Variants in COL6A6 observed in about 807,000 individuals in gnomAD.
COL6A6 encodes collagen type VI alpha 6 chain.
A neutral mutation model predicts 208.6 loss-of-function variants in COL6A6; 183 were observed. The ratio of observed to expected loss-of-function variants is 0.88; its 90% confidence interval spans 0.78 to 0.99. The LOEUF is 0.99. COL6A6 is among the 50% of genes least tolerant of loss of function. The pLI is 0.00. For synonymous variants in COL6A6, 973 were observed against 1,011.8 expected, an observed-to-expected ratio of 0.96 and a Z score of 0.73; for missense variants, 2,816 against 2,815.2, an observed-to-expected ratio of 1.00 and a Z score of -0.01.
At chr3:130,634,239 A>T (rs2065037019) in intron 26 of COL6A6, among the ~76,000 whole-genome samples, 2 of 57,470 alleles carry the variant, frequency 3.5e-5, no homozygotes, top group Non-Finnish European at 5.0e-5. Flanking sequence ...ATAAATAAAT[A>T]AATAAAAAAA....
chr3:130,648,411 C>T lies in COL6A6; in HGVS notation c.5240-658C>T, dbSNP rs1428634229. Among the ~76,000 whole-genome samples the T allele has an allele frequency of 3.9e-5, 6 of 152,300 alleles. No individual in the cohort carries two copies. The East Asian group carries it at 9.6e-4, about 24-fold the overall frequency. ...TCTAAGTACTTTACCTGTGCTGATT[C>T]ATTTAATGCTCACCTCAGGCCTATG... On this transcript the variant is annotated intron_variant, in intron 32 of 36. Transcript: ENST00000358511.
chr3:130,643,883 CTCTG>C (rs527661327), intron 31 of COL6A6, among the ~76,000 whole-genome samples: 14 of 152,272 alleles, frequency 9.2e-5, no homozygotes, highest in African/African-American at 3.1e-4. Flanking sequence ...TCTATTGGAA[CTCTG>C]TCTTTTTGTA....
intron 35 of COL6A6, among the ~76,000 whole-genome samples, chr3:130,664,688 T>G: frequency 6.6e-6 from 1 of 152,226 alleles, no homozygotes; most frequent in Non-Finnish European, 1.5e-5. Flanking sequence ...TCTTGTTAGT[T>G]TATATCAATT....
chr3:130,657,104 G>A (rs2065811484), intron 33 of COL6A6, among the ~76,000 whole-genome samples: 1 of 152,282 alleles, frequency 6.6e-6, no homozygotes, highest in Non-Finnish European at 1.5e-5. Flanking sequence ...GGATGCCTGG[G>A]TCTGGAGCCA....
intron 7 of COL6A6, among the ~76,000 whole-genome samples, chr3:130,572,462 G>A (rs2063190638): frequency 1.3e-5 from 2 of 152,026 alleles, no homozygotes; most frequent in South Asian, 4.1e-4. Context: ...TCTAGATATA[G>A]TAGTTCTTTT....
chr3:130,637,345 A>G (rs946491738), intron 28 of COL6A6, among the ~76,000 whole-genome samples: 1 of 151,748 alleles, frequency 6.6e-6, no homozygotes, highest in African/African-American at 2.4e-5. Context: ...GAACATCAGA[A>G]GCACGCTAAC....
chr3:130,596,423 A>C (rs1249197059), intron 18 of COL6A6, among the ~76,000 whole-genome samples: 1 of 152,232 alleles, frequency 6.6e-6, no homozygotes, highest in Non-Finnish European at 1.5e-5. Flanking sequence ...AAGAGTCTGA[A>C]TAATGTAAAG....
rs1382735864 is a variant in COL6A6, at chr3:130,591,860, A to G, written c.4273-681A>G. The stretch of plus-strand genomic sequence containing the variant: ...TGAGAGGGGAACGCTGCGAACAAGG[A>G]GTAGTACTTGGGCAGACATTTGAAG... On this transcript the variant is annotated intron_variant, in intron 13 of 36. Coordinates refer to ENST00000358511, the MANE Select transcript of COL6A6 (RefSeq NM_001102608.3). 2.0e-5 allele frequency among the ~76,000 whole-genome samples: 3 copies of G among 152,316 alleles called. No individual in the cohort carries two copies. In the East Asian group the frequency reaches 5.8e-4, roughly 29 times the overall value.
chr3:130,628,545 A>G (rs2064960491), intron 26 of COL6A6, among the ~76,000 whole-genome samples: 1 of 152,214 alleles, frequency 6.6e-6, no homozygotes, highest in Non-Finnish European at 1.5e-5. Flanking sequence ...AGGATTTATT[A>G]TAATCAGGAA....
At chr3:130,621,303 G>T (rs955171726) in intron 23 of COL6A6, among the ~76,000 whole-genome samples, 2 of 152,094 alleles carry the variant, frequency 1.3e-5, no homozygotes, top group Admixed American at 1.3e-4. Flanking sequence ...CTAGGAAAGA[G>T]AAAATTATTT....
At chr3:130,585,195 A>G (rs2063510641) in intron 10 of COL6A6, among the ~76,000 whole-genome samples, 1 of 152,242 alleles carries the variant, frequency 6.6e-6, no homozygotes, top group Admixed American at 6.5e-5. Context: ...TAAGGTTTAC[A>G]TGAAGCTAAA....
intron 11 of COL6A6, among the ~76,000 whole-genome samples, chr3:130,588,575 A>G (rs2063595929): frequency 6.6e-6 from 1 of 152,224 alleles, no homozygotes; most frequent in African/African-American, 2.4e-5. Context: ...AAATCCTATC[A>G]GAATTGCTTT....
intron 22 of COL6A6, among the ~76,000 whole-genome samples, chr3:130,609,864 A>G (rs2064301965): frequency 6.6e-6 from 1 of 152,048 alleles, no homozygotes. Context: ...CAAGATTCAG[A>G]GCAGTGCACA....
chr3:130,650,288 G>A (rs78068298), intron 33 of COL6A6, among the ~76,000 whole-genome samples: 1 of 151,882 alleles, frequency 6.6e-6, no homozygotes, highest in African/African-American at 2.4e-5. Context: ...ACCGTGAAGG[G>A]GGGGGCCAGG....
chr3:130,567,394 C>T (rs1321337841), intron 5 of COL6A6, 132 bp downstream of exon 5: 3 of 717,176 alleles, frequency 4.2e-6, no homozygotes, highest in Non-Finnish European at 6.9e-6. Flanking sequence ...TAACTGTGTT[C>T]TCTAGAACAA....
chr3:130,592,237 C>T (rs1484362953), intron 13 of COL6A6, among the ~76,000 whole-genome samples: 1 of 151,964 alleles, frequency 6.6e-6, no homozygotes, highest in African/African-American at 2.4e-5. Flanking sequence ...CAAGACAGGT[C>T]CTAATTTGTG....
At chr3:130,623,489 A>G (rs183695141) in intron 24 of COL6A6, among the ~76,000 whole-genome samples, 7 of 152,348 alleles carry the variant, frequency 4.6e-5, no homozygotes, top group Admixed American at 3.3e-4. Context: ...GTCTGAGAGA[A>G]TGAAAGCTAG....
intron 1 of COL6A6, among the ~76,000 whole-genome samples, chr3:130,522,897 G>A (rs9865340): frequency 2.7e-5 from 4 of 150,368 alleles, no homozygotes; most frequent in African/African-American, 4.9e-5. Flanking sequence ...ACTCAACACC[G>A]GCCTCCTAGT....
intron 10 of COL6A6, among the ~76,000 whole-genome samples, chr3:130,585,647 C>G (rs2063522021): frequency 1.3e-5 from 2 of 152,172 alleles, no homozygotes; most frequent in Admixed American, 1.3e-4. Flanking sequence ...ATTCATAAAA[C>G]CCCAAAGCCT....
Sources: gnomAD v4.1 joint callset for allele counts (sites outside exome capture counted in the v4.1 genomes callset) on GRCh38, gnomAD v4.1.1 for gene constraint, MANE v1.5 for transcripts, NCBI Gene and HGNC (gene_info 2026-07-23, HGNC 2026-07-21) for gene names.